Variants in CTPS1 observed in about 807,000 individuals in gnomAD.
CTPS1 encodes CTP synthase 1.
In CTPS1, 25 loss-of-function variants were observed where a neutral mutation model predicts 80.5. The ratio of observed to expected loss-of-function variants is 0.31; its 90% CI spans 0.23 to 0.43. The LOEUF is 0.43. CTPS1 is among the 20% of genes least tolerant of loss of function. The pLI, the probability that CTPS1 is intolerant of heterozygous loss-of-function variation, is 1.00. For missense variants in CTPS1, 442 were observed against 725.7 expected (o/e 0.61, Z 4.49); for synonymous variants, 267 against 252.5 (o/e 1.06, Z -0.54).
Position 41,002,222 on chromosome 1 carries a change from C to G in CTPS1, c.1157C>G (p.Ala386Gly). Residue 386 changes from alanine to glycine, a missense_variant, in exon 11 of 19, where the codon GCC becomes GGC. Transcript: ENST00000650070. ...RGTEGKIQAIAWARNQKKPFL... is the reference protein window; with the variant it reads ...RGTEGKIQAIGWARNQKKPFL... ...ACAGAAGGAAAAATCCAAGCAATTGCCTGGGCTCGGAATCAGAAAAAGCCT... is the reference window on the plus strand; with the variant it reads ...ACAGAAGGAAAAATCCAAGCAATTGGCTGGGCTCGGAATCAGAAAAAGCCT... 1.2e-6 allele frequency: 2 copies of G among 1,614,080 alleles called. No homozygotes were observed. Among genetic ancestry groups the G allele is most frequent in the Non-Finnish European group, 1.7e-6 (2 of 1,179,998 alleles).
rs1009153473 is a variant in CTPS1 at position 41,002,083 on chromosome 1, A to G, written c.1095-77A>G. On this transcript the variant is annotated intron_variant, in intron 10 of 18. Transcript: ENST00000650070. ...AATTCATGGCTTCAGTGTCTTGGTA[A>G]TGGCCCGTTAGGCGATTATTGCAAG... 21 of 1,278,694 alleles carry G rather than the reference A, an allele frequency of 1.6e-5. No individual in the cohort carries two copies. The African/African-American group carries it at 2.9e-4, about 18-fold the overall frequency. 79.2% of individuals were successfully genotyped at this position (1,278,694 alleles called of 1,614,324 possible).
At chr1:40,983,053 G>A (rs1488554460) in intron 1 of CTPS1, 2 of 394,628 alleles carry the variant, frequency 5.1e-6, no homozygotes, top group Admixed American at 4.1e-5. Flanking sequence ...TATTAGAGTA[G>A]CAGTTGTTTT....
intron 1 of CTPS1, 43 bp from the exon 2 acceptor site, chr1:40,983,235 G>C (rs753974219): frequency 3.2e-6 from 5 of 1,555,900 alleles, no homozygotes; most frequent in Non-Finnish European, 4.4e-6. Flanking sequence ...AGTTTGGTTT[G>C]TTGAGATACA....
intron 1 of CTPS1, 81 bp from the exon 2 acceptor site, chr1:40,983,197 T>G: frequency 1.7e-6 from 2 of 1,191,640 alleles, no homozygotes; most frequent in Non-Finnish European, 2.4e-6. Context: ...AGCTAATAAT[T>G]GGCAGAGCCA....
chr1:41,001,444 T>G (rs1197308233), intron 10 of CTPS1: 1 of 272,658 alleles, frequency 3.7e-6, no homozygotes, highest in African/African-American at 2.4e-5. Context: ...TTTATAATAG[T>G]AAAACATTAG....
Position 41,007,071 on chromosome 1 carries a change from C to T in CTPS1, c.1297-378C>T, listed in dbSNP as rs1053135311. On this transcript the variant is annotated intron_variant, in intron 13 of 18. Transcript: ENST00000650070. This position sits in a 1 kb window ranked among gnomAD's most constrained non-coding sequence, Gnocchi z 4.4. ...CAGGGTGCTAGCCCTGCATCCCTTG[C>T]CTTTGAGCAGTCATCAGGCTAGCTG... Among the ~76,000 whole-genome samples, 1 of 152,158 alleles carries T rather than the reference C, an allele frequency of 6.6e-6. No homozygotes were observed. The highest frequency in any genetic ancestry group is 2.4e-5 in the African/African-American group (1 of 41,430).
intron 3 of CTPS1, among the ~76,000 whole-genome samples, chr1:40,987,139 C>G (rs1011256082): frequency 6.6e-6 from 1 of 152,202 alleles, no homozygotes; most frequent in Non-Finnish European, 1.5e-5. Context: ...ACACTGCTGT[C>G]AGCCTTGCTC....
chr1:40,990,653 G>T (rs1448169891), intron 5 of CTPS1, among the ~76,000 whole-genome samples: 1 of 151,968 alleles, frequency 6.6e-6, no homozygotes, highest in Non-Finnish European at 1.5e-5. Flanking sequence ...AACAGAAAAT[G>T]ATTTCCATCC....
chr1:40,988,474 T>C, intron 4 of CTPS1, 120 bp from the exon 5 acceptor site: 1 of 704,668 alleles, frequency 1.4e-6, no homozygotes, highest in Non-Finnish European at 2.6e-6. Flanking sequence ...TATACAGGGT[T>C]AGAGAGTCCG....
Position 41,007,623 on chromosome 1 carries a change from C to T in CTPS1, c.1393+78C>T, listed in dbSNP as rs775247432. On this transcript the variant is annotated intron_variant, in intron 14 of 18. Coordinates refer to ENST00000650070, the MANE Select transcript of CTPS1 (RefSeq NM_001905.4). The surrounding 1 kb of genome is among the most constrained non-coding windows in gnomAD (Gnocchi z 4.4). ...GTGTCTTAGGGTGATGCTGTGGCTTCGAGGAGCAGGCTGGCTTTTTTTGGT... is the reference window on the plus strand; with the variant it reads ...GTGTCTTAGGGTGATGCTGTGGCTTTGAGGAGCAGGCTGGCTTTTTTTGGT... 88 of 1,248,132 alleles carry T rather than the reference C, an allele frequency of 7.1e-5. No homozygotes were observed. The East Asian group carries it at 8.0e-4, about 11-fold the overall frequency. The allele number at this position is 1,248,132 out of a possible 1,614,324, so 77.3% of individuals were successfully genotyped here. A position where few individuals can be genotyped will look rare whatever the true frequency, so the allele number is the denominator to read the frequency against.
intron 13 of CTPS1, among the ~76,000 whole-genome samples, chr1:41,006,315 G>C (rs1040936631): frequency 6.6e-6 from 1 of 152,056 alleles, no homozygotes; most frequent in Admixed American, 6.5e-5. Flanking sequence ...TTTAAGACAG[G>C]TACCAGCCCA....
At chr1:41,005,506 A>G (rs1377365428) in intron 12 of CTPS1, among the ~76,000 whole-genome samples, 2 of 152,000 alleles carry the variant, frequency 1.3e-5, no homozygotes, top group Non-Finnish European at 2.9e-5. Context: ...TTACTAGGTT[A>G]TGCCATTAGT....
rs1461874491 is a variant in CTPS1, at chr1:40,984,814, A to G, written c.167-7A>G. On this transcript the variant is annotated splice_region_variant and splice_polypyrimidine_tract_variant and intron_variant, in intron 2 of 18. Transcript: ENST00000650070. ...CTTAACGTAAATGGTTTCTCTGTTCACTGCAGGTGAGGTTTTTGTGCTGGA... is the reference window on the plus strand; with the variant it reads ...CTTAACGTAAATGGTTTCTCTGTTCGCTGCAGGTGAGGTTTTTGTGCTGGA... 2 of 1,522,020 alleles carry G rather than the reference A, an allele frequency of 1.3e-6. No homozygotes were observed. Among genetic ancestry groups the G allele is most frequent in the East Asian group, 2.4e-5 (1 of 42,366 alleles). The allele number at this position is 1,522,020 out of a possible 1,614,324, so 94.3% of individuals were successfully genotyped here.
chr1:41,005,104 G>T (rs1328714005), intron 12 of CTPS1, among the ~76,000 whole-genome samples: 1 of 151,996 alleles, frequency 6.6e-6, no homozygotes, highest in Non-Finnish European at 1.5e-5. Flanking sequence ...ACTCCATTCT[G>T]GGTGACATAG....
chr1:40,981,909 GT>G, intron 1 of CTPS1: 2 of 1,144,102 alleles, frequency 1.7e-6, no homozygotes, highest in Non-Finnish European at 2.3e-6. Context: ...CAACTCCTTA[GT>G]TTTCTTGTTC....
intron 10 of CTPS1, 29 bp downstream of exon 10, chr1:41,001,146 C>A (rs1482307302): frequency 1.3e-6 from 2 of 1,543,608 alleles, no homozygotes; most frequent in Non-Finnish European, 1.8e-6. Flanking sequence ...CTTGGGTTTC[C>A]AGAGTTCTTT....
chr1:40,987,968 A>G (rs1415965306), intron 4 of CTPS1, among the ~76,000 whole-genome samples: 2 of 152,140 alleles, frequency 1.3e-5, no homozygotes, highest in Non-Finnish European at 2.9e-5. Flanking sequence ...GCTGGAGTCC[A>G]GTGCAGCAGT....
chr1:40,988,783 T>C, intron 5 of CTPS1, 73 bp downstream of exon 5: 2 of 975,060 alleles, frequency 2.1e-6, no homozygotes, highest in South Asian at 1.4e-5. Flanking sequence ...GGAATGATTT[T>C]CACTCATTGT....
chr1:41,002,335 G>T, intron 11 of CTPS1, 81 bp downstream of exon 11: 1 of 1,107,092 alleles, frequency 9.0e-7, no homozygotes, highest in Non-Finnish European at 1.4e-6. Flanking sequence ...TATGAACAAA[G>T]TGGGGGGATT....
Sources: gnomAD v4.1 joint callset for allele counts (sites outside exome capture counted in the v4.1 genomes callset) on GRCh38, gnomAD v4.1.1 for gene constraint, Gnocchi (gnomAD v3.1) non-coding constraint, MANE v1.5 for transcripts, NCBI Gene and HGNC (gene_info 2026-07-23, HGNC 2026-07-21) for gene names.